Variants in TNS1 observed in about 807,000 individuals in gnomAD.
TNS1 encodes tensin-1.
A neutral mutation model predicts 168.6 loss-of-function variants in TNS1; 62 were observed. That is an observed-to-expected ratio of 0.37 (90% CI 0.30 to 0.45). TNS1 has a LOEUF of 0.45. Among genes scored for constraint, TNS1 ranks in the 20% least tolerant of loss-of-function variants. TNS1 has a pLI of 1.00. For missense variants in TNS1, 2,240 were observed against 2,339.4 expected (o/e 0.96, Z 0.88); for synonymous variants, 934 against 933.2 (o/e 1.00, Z -0.02).
At chr2:217,812,149 C>A (rs1218089409) in intron 28 of TNS1, among the ~76,000 whole-genome samples, 1 of 152,192 alleles carries the variant, frequency 6.6e-6, no homozygotes, top group Non-Finnish European at 1.5e-5. Context: ...AACAATCTGG[C>A]AAGTCCATTT....
intron 3 of TNS1, among the ~76,000 whole-genome samples, chr2:217,968,229 G>A (rs989922503): frequency 6.6e-5 from 10 of 152,104 alleles, no homozygotes; most frequent in African/African-American, 1.4e-4. Flanking sequence ...TCCTAAGTTC[G>A]GGAACTAGAC....
rs1185591753 is a variant in TNS1 at position 217,801,520 on chromosome 2, T to C, written c.*2939A>G. On this transcript the variant is annotated 3_prime_UTR_variant, in exon 33 of 33. Transcript: ENST00000682258. ...AGACCCTTTCCCATCCCAGCCCATGTTCAAGGCCAGACAGCGCTCTCCTGG... is the reference window on the plus strand; with the variant it reads ...AGACCCTTTCCCATCCCAGCCCATGCTCAAGGCCAGACAGCGCTCTCCTGG... 6.6e-6 allele frequency: 1 copy of C among 152,212 alleles called. No homozygotes were observed. 9.4% of individuals were successfully genotyped at this position (152,212 alleles called of 1,614,324 possible).
At chr2:217,959,651 T>C (rs1221719609) in intron 3 of TNS1, among the ~76,000 whole-genome samples, 2 of 152,202 alleles carry the variant, frequency 1.3e-5, no homozygotes, top group Non-Finnish European at 2.9e-5. Context: ...TGGTGTCTAA[T>C]TGCTTAATAA....
intron 18 of TNS1, among the ~76,000 whole-genome samples, chr2:217,855,103 A>G (rs1947966921): frequency 6.6e-6 from 1 of 151,992 alleles, no homozygotes; most frequent in African/African-American, 2.4e-5. Context: ...CCTGCTTTAC[A>G]TTTCAACAGC....
intron 22 of TNS1, among the ~76,000 whole-genome samples, chr2:217,827,316 G>A (rs76783738): frequency 1.4e-4 from 21 of 152,254 alleles, no homozygotes; most frequent in East Asian, 5.8e-4. Flanking sequence ...TCCCCAAGCC[G>A]AATAATCCTG....
chr2:217,825,940 G>T (rs115586456), intron 22 of TNS1, among the ~76,000 whole-genome samples: 1 of 152,190 alleles, frequency 6.6e-6, no homozygotes, highest in East Asian at 1.9e-4. Flanking sequence ...AGGATGGCTC[G>T]CCCAGGGAGA....
rs769790449 is a variant in TNS1, at chr2:217,821,954, G to C, written c.3374-16C>G. 5.7e-6 allele frequency: 9 copies of C among 1,570,578 alleles called. No individual in the cohort carries two copies. The Admixed American group carries it at 1.7e-4, about 29-fold the overall frequency. ...CTCCGGGGCTCTGGAAGGGGCAAGA[G>C]GACAGAGACACTGAGCACAGATGCA... On this transcript the variant is annotated splice_polypyrimidine_tract_variant and intron_variant, in intron 22 of 32. Transcript: ENST00000682258.
intron 4 of TNS1, among the ~76,000 whole-genome samples, chr2:217,907,682 C>T (rs372438480): frequency 2.8e-4 from 42 of 152,320 alleles, no homozygotes; most frequent in East Asian, 2.5e-3. Flanking sequence ...CTAATAGAGA[C>T]GGCAGGATTT....
At chr2:217,857,720 C>T (rs1400772725) in intron 18 of TNS1, among the ~76,000 whole-genome samples, 2 of 152,232 alleles carry the variant, frequency 1.3e-5, no homozygotes, top group East Asian at 1.9e-4. Flanking sequence ...ATGGCCCACG[C>T]CTGCAGGGCA....
At chr2:218,013,352 A>C (rs148476560), upstream of TNS1, among the ~76,000 whole-genome samples, 966 of 152,210 alleles carry the variant, frequency 6.3e-3, 12 homozygotes, top group African/African-American at 0.022. Context: ...AGCTCCCCAC[A>C]GTGGACCAGA....
At chr2:217,891,463 C>A (rs1951739040) in intron 11 of TNS1, among the ~76,000 whole-genome samples, 1 of 152,162 alleles carries the variant, frequency 6.6e-6, no homozygotes, top group African/African-American at 2.4e-5. Context: ...ACTCATGGCA[C>A]ACAGTAGGGG....
At chr2:217,816,535 T>C (rs1365631031) in intron 24 of TNS1, among the ~76,000 whole-genome samples, 2 of 152,120 alleles carry the variant, frequency 1.3e-5, no homozygotes, top group Non-Finnish European at 2.9e-5. Context: ...AGCTGGGCCA[T>C]GCAACTGCTG....
upstream of TNS1, among the ~76,000 whole-genome samples, chr2:218,006,296 G>A (rs1320944018): frequency 6.6e-6 from 1 of 152,178 alleles, no homozygotes; most frequent in African/African-American, 2.4e-5. Flanking sequence ...CCCCTCCCTG[G>A]GCCTCAGTTT....
At chr2:217,842,133 GTT>G (rs905978068) in intron 19 of TNS1, 1 of 702,758 alleles carries the variant, frequency 1.4e-6, no homozygotes, top group African/African-American at 1.7e-5. Context: ...AATGTGGGAG[GTT>G]CCAGGACTCC....
At chr2:217,947,506 C>G (rs150080199) in intron 3 of TNS1, among the ~76,000 whole-genome samples, 10 of 152,000 alleles carry the variant, frequency 6.6e-5, no homozygotes, top group Non-Finnish European at 1.2e-4. Context: ...AAACAGAGAC[C>G]CAGAAGGAGG....
chr2:217,810,044 A>C (rs1218581564), intron 29 of TNS1, 53 bp from the exon 30 acceptor site: 3 of 1,575,478 alleles, frequency 1.9e-6, no homozygotes, highest in Non-Finnish European at 2.6e-6. Flanking sequence ...GGGTGAGGAC[A>C]TTAACCCAGA....
chr2:217,837,949 T>C (rs1234281941), intron 19 of TNS1, among the ~76,000 whole-genome samples: 1 of 152,136 alleles, frequency 6.6e-6, no homozygotes, highest in Non-Finnish European at 1.5e-5. Context: ...CCCACTCAGG[T>C]CTCCTGGGCA....
At position 217,886,530 on chromosome 2, in the gene TNS1, G is replaced by T. The variant is rs753288431; in HGVS notation, c.979+4C>A. 3.8e-6 allele frequency: 6 copies of T among 1,586,720 alleles called. No homozygotes were observed. Among genetic ancestry groups the T allele is most frequent in the Non-Finnish European group, 5.1e-6 (6 of 1,165,386 alleles). Reference sequence around the variant, plus strand: ...GTGGAGGTCAGAGGGCTCAAGGCAGGTACCTCCTTTAGACTCAAAGTTGGG... The same window carrying T: ...GTGGAGGTCAGAGGGCTCAAGGCAGTTACCTCCTTTAGACTCAAAGTTGGG... On this transcript the variant is annotated splice_donor_region_variant and intron_variant, in intron 13 of 32. Transcript: ENST00000682258.
chr2:217,941,503 G>A (rs561135893), intron 3 of TNS1, among the ~76,000 whole-genome samples: 10 of 152,292 alleles, frequency 6.6e-5, no homozygotes, highest in South Asian at 4.1e-4. Context: ...GCAGAGCGTC[G>A]GGCTCTTGGT....
Sources: gnomAD v4.1 joint callset for allele counts (sites outside exome capture counted in the v4.1 genomes callset) on GRCh38, gnomAD v4.1.1 for gene constraint, MANE v1.5 for transcripts, NCBI Gene and HGNC (gene_info 2026-07-23, HGNC 2026-07-21) for gene names.